ANAPC4: variants seen among roughly 807,000 people sequenced by gnomAD.
The protein encoded by ANAPC4 is anaphase-promoting complex subunit 4.
Under a neutral mutation model 119.8 loss-of-function variants are expected in ANAPC4, and 63 were observed. That is an observed-to-expected ratio of 0.53 (90% CI 0.43 to 0.65). The LOEUF is 0.65. ANAPC4 is among the 30% of genes least tolerant of loss of function. The probability of loss-of-function intolerance (pLI) is 0.00; values close to 1 mark genes in which losing one functional copy is unlikely to be tolerated. For synonymous variants in ANAPC4, 283 were observed against 318.6 expected, an observed-to-expected ratio of 0.89 and a Z score of 1.19; for missense variants, 716 against 945.1, an observed-to-expected ratio of 0.76 and a Z score of 3.18.
rs557463189 is a variant in ANAPC4 at position 25,384,428 on chromosome 4, G to A, written c.368+1035G>A. ...TTGTGAATGTTCTTAATGACATCCA[G>A]AATGGTGAATCCTTTCTAGAAGGTT... is the stretch of plus-strand genomic sequence containing the variant. On this transcript the variant is annotated intron_variant, in intron 4 of 28. Coordinates refer to ENST00000315368, the MANE Select transcript of ANAPC4 (RefSeq NM_013367.3). 3.0e-4 allele frequency among the ~76,000 whole-genome samples: 46 copies of A among 152,346 alleles called. No individual in the cohort carries two copies. In the South Asian group the frequency reaches 9.3e-3, roughly 31 times the overall value.
chr4:25,402,931 C>T (rs10023139), intron 16 of ANAPC4, 40 bp from the exon 17 acceptor site: 733,240 of 1,218,904 alleles, frequency 0.6, 223,343 homozygotes, highest in Non-Finnish European at 0.62. Context: ...ATCCCCCACA[C>T]ACTAATCTTA....
chr4:25,397,151 A>G (rs547499765), intron 16 of ANAPC4, among the ~76,000 whole-genome samples: 3 of 152,198 alleles, frequency 2.0e-5, no homozygotes, highest in Admixed American at 6.5e-5. Flanking sequence ...AACTACTTCT[A>G]TTTTTAGTTC....
rs968107779 is a variant in ANAPC4 at position 25,388,990 on chromosome 4, T to G, written c.515+108T>G. On this transcript the variant is annotated intron_variant, in intron 7 of 28. Transcript: ENST00000315368. ...CTTTATTTGCCATTTTATTTCATTG[T>G]TTTTTGTTTTTGTTTTCTTTTTGAG... 7.9e-6 allele frequency: 8 copies of G among 1,014,792 alleles called. No homozygotes were observed. In the African/African-American group the frequency reaches 1.3e-4, roughly 17 times the overall value. The allele number at this position is 1,014,792 out of a possible 1,614,324, so 62.9% of individuals were successfully genotyped here.
At chr4:25,414,067 G>A in intron 22 of ANAPC4, 1 of 462,676 alleles carries the variant, frequency 2.2e-6, no homozygotes, top group Non-Finnish European at 3.8e-6. Flanking sequence ...ACTGAAGGAT[G>A]TGAATGAATG....
At chr4:25,393,288 A>G (rs1411779238) in intron 10 of ANAPC4, among the ~76,000 whole-genome samples, 6 of 152,350 alleles carry the variant, frequency 3.9e-5, no homozygotes, top group African/African-American at 1.4e-4. Flanking sequence ...TTTTATTATG[A>G]AATTCTAAGA....
chr4:25,403,174 C>A (rs1013570310), intron 17 of ANAPC4, 148 bp downstream of exon 17: 23 of 481,528 alleles, frequency 4.8e-5, no homozygotes, highest in South Asian at 4.2e-4. Context: ...CACCTAGCTT[C>A]AGCAGTTATC....
intron 3 of ANAPC4, among the ~76,000 whole-genome samples, chr4:25,381,136 A>G (rs1193369374): frequency 6.6e-6 from 1 of 152,212 alleles, no homozygotes; most frequent in Non-Finnish European, 1.5e-5. Flanking sequence ...CATTTGTATC[A>G]TTGGTACTTT....
At position 25,405,478 on chromosome 4, in the gene ANAPC4, G is replaced by A. The variant is rs1723200034; in HGVS notation, c.1271-95G>A. 1 of 1,124,486 alleles carries A rather than the reference G, an allele frequency of 8.9e-7. No individual in the cohort carries two copies. The highest frequency in any genetic ancestry group is 1.3e-6 in the Non-Finnish European group (1 of 764,560). The allele number at this position is 1,124,486 out of a possible 1,614,324, so 69.7% of individuals were successfully genotyped here. On this transcript the variant is annotated intron_variant, in intron 17 of 28. Transcript: ENST00000315368. The surrounding 1 kb of genome is among the most constrained non-coding windows in gnomAD (Gnocchi z 4.6). ...AAAGCTGTGTAAAATTGAAGATTTAGTTCAGTCAAACACCTTGTCTTTGAA... is the reference window on the plus strand; with the variant it reads ...AAAGCTGTGTAAAATTGAAGATTTAATTCAGTCAAACACCTTGTCTTTGAA...
intron 26 of ANAPC4, 23 bp from the exon 27 acceptor site, chr4:25,416,402 A>C (rs375248307): frequency 2.8e-6 from 4 of 1,453,490 alleles, no homozygotes; most frequent in Non-Finnish European, 3.7e-6. Flanking sequence ...TCTTTGATAT[A>C]ACAAAACTTA....
At chr4:25,389,414 C>T (rs1009814905) in intron 7 of ANAPC4, among the ~76,000 whole-genome samples, 14 of 152,138 alleles carry the variant, frequency 9.2e-5, no homozygotes, top group Non-Finnish European at 1.9e-4. Flanking sequence ...GCCTTAGCCT[C>T]CAAAAGCGCT....
chr4:25,377,286 G>C lies in ANAPC4; in HGVS notation c.-69G>C. On this transcript the variant is annotated 5_prime_UTR_variant, in exon 1 of 29. Transcript: ENST00000315368. Reference sequence around the variant, plus strand: ...GCCTGGAGGCTGTGGCGCGCGGCCGGCAGAGGGAGGGGAGAGGCCACTGGG... The same window carrying C: ...GCCTGGAGGCTGTGGCGCGCGGCCGCCAGAGGGAGGGGAGAGGCCACTGGG... 8.4e-7 allele frequency: 1 copy of C among 1,194,292 alleles called. No homozygotes were observed. The highest frequency in any genetic ancestry group is 1.1e-6 in the Non-Finnish European group (1 of 885,494). The allele number at this position is 1,194,292 out of a possible 1,614,324, so 74.0% of individuals were successfully genotyped here.
chr4:25,393,768 A>G, intron 10 of ANAPC4, 37 bp from the exon 11 acceptor site: 1 of 1,397,276 alleles, frequency 7.2e-7, no homozygotes, highest in Non-Finnish European at 9.9e-7. Flanking sequence ...TGGTTTAAAT[A>G]TTTTTTACCA....
chr4:25,402,157 A>C (rs1057012096), intron 16 of ANAPC4, among the ~76,000 whole-genome samples: 3 of 152,172 alleles, frequency 2.0e-5, no homozygotes, highest in Non-Finnish European at 2.9e-5. Flanking sequence ...TTGCTTAGTA[A>C]CATAAGAGAT....
rs965467676 is a variant in ANAPC4 at position 25,397,032 on chromosome 4, G to A, written c.1214+133G>A. 3 of 866,422 alleles carry A rather than the reference G, an allele frequency of 3.5e-6. No individual in the cohort carries two copies. In the Admixed American group the frequency reaches 8.9e-5, roughly 26 times the overall value. 53.7% of individuals were successfully genotyped at this position (866,422 alleles called of 1,614,324 possible). A position where few individuals can be genotyped will look rare whatever the true frequency, so the allele number is the denominator to read the frequency against. ...TTTATCACAATTATGCCTTTATATG[G>A]TTCCGAAAAGCCAGCAGCACAGAGA... On this transcript the variant is annotated intron_variant, in intron 16 of 28. Transcript: ENST00000315368.
rs1723461264 is a variant in ANAPC4, at chr4:25,409,770, C to A, written c.1504C>A (p.Gln502Lys). The stretch of plus-strand genomic sequence containing the variant: ...AGGAAACCAGTGGTATGACTTTCTT[C>A]AAAATAGCAGCCACCTTAAAGGTAC... ...TEGNQWYDFL[Q>K]NSSHLKESPL... The change falls in exon 21 of 29, where the codon CAA becomes AAA. Residue 502 changes from glutamine to lysine, a missense_variant. Around this residue, in one of 3 missense-constraint regions of ANAPC4, gnomAD observed 504 missense variants for 615.8 expected, o/e 0.82. Transcript: ENST00000315368. 6.2e-7 allele frequency: 1 copy of A among 1,613,168 alleles called. No individual in the cohort carries two copies. Among genetic ancestry groups the A allele is most frequent in the South Asian group, 1.1e-5 (1 of 91,044 alleles).
chr4:25,411,707 C>A (rs1486667510), intron 21 of ANAPC4, among the ~76,000 whole-genome samples: 1 of 152,180 alleles, frequency 6.6e-6, no homozygotes, highest in African/African-American at 2.4e-5. Flanking sequence ...CCTCAAAAAA[C>A]TGGTGTGGAG....
At chr4:25,417,321 A>G (rs1028066563) in intron 27 of ANAPC4, 3 of 190,992 alleles carry the variant, frequency 1.6e-5, no homozygotes, top group African/African-American at 2.4e-5. Flanking sequence ...GAGTCTTACT[A>G]TGTTGCCCAG....
intron 4 of ANAPC4, among the ~76,000 whole-genome samples, chr4:25,387,979 A>G (rs1722134087): frequency 6.6e-6 from 1 of 152,070 alleles, no homozygotes; most frequent in African/African-American, 2.4e-5. Context: ...AAATGTATAT[A>G]TTAGCTGGGT....
intron 21 of ANAPC4, among the ~76,000 whole-genome samples, chr4:25,410,999 GTGAATGAATGAA>G (rs33984403): frequency 1.3e-5 from 2 of 150,644 alleles, no homozygotes; most frequent in Admixed American, 6.6e-5. Context: ...TGCTGCTTCT[GTGAATGAATGAA>G]TGAATGAATG....
Sources: gnomAD v4.1 joint callset for allele counts (sites outside exome capture counted in the v4.1 genomes callset) on GRCh38, gnomAD v4.1.1 for gene constraint, gnomAD v4.1.1 regional missense constraint, Gnocchi (gnomAD v3.1) non-coding constraint, MANE v1.5 for transcripts, NCBI Gene and HGNC (gene_info 2026-07-23, HGNC 2026-07-21) for gene names.